SMIM36: variants seen among roughly 807,000 people sequenced by gnomAD.
SMIM36 encodes small integral membrane protein 36.
At chr17:55,514,628 T>C (rs968595442), upstream of SMIM36, among the ~76,000 whole-genome samples, 2 of 152,234 alleles carry the variant, frequency 1.3e-5, no homozygotes, top group Non-Finnish European at 2.9e-5. Context: ...ACTTATTCTA[T>C]GGAGCATTCA....
chr17:55,523,529 CA>C, the SMIM36 span, among the ~76,000 whole-genome samples: 7,121 of 62,112 alleles, frequency 0.11, 309 homozygotes, highest in African/African-American at 0.24. Context: ...GACTCCGTCT[CA>C]AAAAAAAAAA....
chr17:55,500,595 T>C (rs1909891519), intron 1 of SMIM36, among the ~76,000 whole-genome samples: 2 of 151,116 alleles, frequency 1.3e-5, no homozygotes, highest in South Asian at 4.1e-4. Context: ...TCCAACACTC[T>C]CTTTAGAGTA....
At chr17:55,518,194 G>C in the SMIM36 span, among the ~76,000 whole-genome samples, 21 of 151,846 alleles carry the variant, frequency 1.4e-4, no homozygotes, top group Admixed American at 1.3e-3. Context: ...AAGGACAAGA[G>C]AGAGCATGAG....
chr17:55,464,708 T>C (rs1909205032), intron 4 of SMIM36, among the ~76,000 whole-genome samples: 1 of 152,196 alleles, frequency 6.6e-6, no homozygotes, highest in Non-Finnish European at 1.5e-5. Flanking sequence ...GTAACAATTA[T>C]CACAGAGTTG....
At chr17:55,523,462 G>A in the SMIM36 span, among the ~76,000 whole-genome samples, 1,594 of 151,808 alleles carry the variant, frequency 0.011, 35 homozygotes, top group African/African-American at 0.036. Context: ...CCCGGGAGGC[G>A]GAGGTTGCAG....
chr17:55,501,114 A>AC (rs1450471013), intron 1 of SMIM36, among the ~76,000 whole-genome samples: 1 of 35,352 alleles, frequency 2.8e-5, no homozygotes, highest in Non-Finnish European at 5.7e-5. Flanking sequence ...TATATAATAT[A>AC]TATCATATTT....
At chr17:55,519,201 G>A in the SMIM36 span, among the ~76,000 whole-genome samples, 3 of 152,216 alleles carry the variant, frequency 2.0e-5, no homozygotes, top group South Asian at 6.2e-4. Flanking sequence ...TTTAAATTGA[G>A]ATAGTAGTTC....
chr17:55,464,134 AAAC>A (rs1316196355), intron 4 of SMIM36, among the ~76,000 whole-genome samples: 1 of 152,140 alleles, frequency 6.6e-6, no homozygotes, highest in Non-Finnish European at 1.5e-5. Flanking sequence ...AAACAAAACA[AAAC>A]AAAAAAGAGG....
At chr17:55,478,253 A>G (rs1909460108) in intron 3 of SMIM36, among the ~76,000 whole-genome samples, 1 of 148,572 alleles carries the variant, frequency 6.7e-6, no homozygotes, top group Non-Finnish European at 1.5e-5. Context: ...TTTTTTTTTC[A>G]GACAAGGTCT....
the SMIM36 span, among the ~76,000 whole-genome samples, chr17:55,521,525 T>C: frequency 9.9e-5 from 15 of 152,264 alleles, no homozygotes; most frequent in Non-Finnish European, 5.9e-5. Context: ...TTGGACTTTT[T>C]ATAACCTGTG....
upstream of SMIM36, among the ~76,000 whole-genome samples, chr17:55,515,401 T>C (rs6504969): frequency 0.49 from 74,092 of 151,912 alleles, 18,331 homozygotes; most frequent in Middle Eastern, 0.51. Flanking sequence ...AAAGTCTTTC[T>C]TTCCATCTAT....
At chr17:55,491,720 G>A (rs1358923923) in intron 1 of SMIM36, among the ~76,000 whole-genome samples, 1 of 152,122 alleles carries the variant, frequency 6.6e-6, no homozygotes, top group African/African-American at 2.4e-5. Flanking sequence ...GTTTGGAACT[G>A]CAGTGGCCAG....
intron 3 of SMIM36, among the ~76,000 whole-genome samples, chr17:55,477,350 T>A (rs1350051179): frequency 2.0e-5 from 3 of 152,166 alleles, no homozygotes; most frequent in Non-Finnish European, 4.4e-5. Context: ...TTCCAGTGTT[T>A]ACATTCAATT....
In SMIM36 at chr17:55,492,155, T is replaced by C. The variant is rs541591361; in HGVS notation, c.*175-12575A>G. ...GCCTGGGCAACAGAGTGAGAAACCA[T>C]CTCAAAAAAAAAAAGAAAAAATTAA... On this transcript the variant is annotated intron_variant, in intron 1 of 4. Coordinates refer to ENST00000636752, the Ensembl canonical transcript of SMIM36. Among the ~76,000 whole-genome samples, 50 of 127,392 alleles carry C rather than the reference T, an allele frequency of 3.9e-4. 3 individuals are homozygous for C. The East Asian group carries it at 8.1e-3, about 21-fold the overall frequency. 83.6% of individuals were successfully genotyped at this position (127,392 alleles called of 152,430 possible).
upstream of SMIM36, among the ~76,000 whole-genome samples, chr17:55,511,921 T>A (rs1471170209): frequency 1.3e-5 from 2 of 152,238 alleles, no homozygotes; most frequent in Non-Finnish European, 2.9e-5. Flanking sequence ...AAACTACTTT[T>A]TGAGTACTTA....
chr17:55,515,102 T>TTTG (rs1203978824), upstream of SMIM36, among the ~76,000 whole-genome samples: 4 of 137,466 alleles, frequency 2.9e-5, no homozygotes, highest in Admixed American at 7.3e-5. Context: ...TTTTTTTTTT[T>TTTG]TTTTTTTTTT....
chr17:55,491,316 T>C (rs1246115693), intron 1 of SMIM36, among the ~76,000 whole-genome samples: 1 of 123,436 alleles, frequency 8.1e-6, no homozygotes, highest in Non-Finnish European at 1.8e-5. Context: ...AAAAAGAAAA[T>C]AATCACACAA....
chr17:55,489,689 G>A (rs567276486), intron 1 of SMIM36, among the ~76,000 whole-genome samples: 3 of 152,248 alleles, frequency 2.0e-5, no homozygotes, highest in Admixed American at 2.0e-4. Flanking sequence ...GCAGGTGCAC[G>A]GCATTCCACT....
At chr17:55,528,281 G>A in the SMIM36 span, among the ~76,000 whole-genome samples, 6 of 152,230 alleles carry the variant, frequency 3.9e-5, no homozygotes, top group African/African-American at 1.4e-4. Flanking sequence ...CATTGCTCAC[G>A]ATTATTTACT....
Sources: gnomAD v4.1 joint callset for allele counts (sites outside exome capture counted in the v4.1 genomes callset) on GRCh38, gnomAD v4.1.1 for gene constraint, MANE v1.5 for transcripts, NCBI Gene and HGNC (gene_info 2026-07-23, HGNC 2026-07-21) for gene names.